The following MBNL3 variants were observed in gnomAD, a reference collection of about 807,000 sequenced individuals.
MBNL3 encodes muscleblind like splicing regulator 3.
In MBNL3, 6 loss-of-function variants were observed where a neutral mutation model predicts 24.5. The ratio of observed to expected loss-of-function variants is 0.25; its 90% CI spans 0.13 to 0.48. The LOEUF (loss-of-function observed/expected upper bound fraction) is 0.48, where lower values mean the gene tolerates loss of function less well. Ranked by LOEUF, MBNL3 falls within the 20% of genes least tolerant of loss-of-function variation. The pLI, the probability that MBNL3 is intolerant of heterozygous loss-of-function variation, is 0.99. For synonymous variants in MBNL3, 100 were observed against 101.7 expected (o/e 0.98, Z 0.10); for missense variants, 230 against 293.5 (o/e 0.78, Z 1.58).
At position 132,376,991 on chromosome X, in the gene MBNL3, T is replaced by G. The variant is rs1416579781; in HGVS notation, c.*2675A>C. 8.9e-6 allele frequency: 1 copy of G among 111,885 alleles called. No individual in the cohort carries two copies. Among genetic ancestry groups the G allele is most frequent in the Non-Finnish European group, 1.9e-5 (1 of 53,065 alleles). 9.2% of individuals were successfully genotyped at this position (111,885 alleles called of 1,213,427 possible). ...TTACTTTAAGGTAAGTCATTGTTAA[T>G]GTCTTCCAGTGCTTAACGCAACATG... On this transcript the variant is annotated 3_prime_UTR_variant, in exon 9 of 9. Transcript: ENST00000370853.
intron 1 of MBNL3, among the ~76,000 whole-genome samples, chrX:132,453,298 A>G (rs1946201965): frequency 8.9e-6 from 1 of 111,880 alleles, no homozygotes; most frequent in Non-Finnish European, 1.9e-5. Context: ...CTCCTGGAAA[A>G]TTGGTTTACT....
At chrX:132,386,559 A>T (rs1000950511) in intron 6 of MBNL3, 102 bp downstream of exon 6, 90 of 907,013 alleles carry the variant, frequency 9.9e-5, no homozygotes, top group Non-Finnish European at 1.2e-4. Context: ...ATCAAAATAC[A>T]TGTCGACAGT....
chrX:132,417,557 T>A (rs887254218), intron 2 of MBNL3, among the ~76,000 whole-genome samples: 7 of 112,027 alleles, frequency 6.2e-5, no homozygotes, highest in Non-Finnish European at 1.3e-4. Flanking sequence ...GAGCAGTACA[T>A]GTCTAAGGAT....
At chrX:132,396,394 C>CTA (rs1391878436) in intron 3 of MBNL3, among the ~76,000 whole-genome samples, 2 of 75,396 alleles carry the variant, frequency 2.7e-5, no homozygotes, top group African/African-American at 5.6e-5. Flanking sequence ...ATATATATTC[C>CTA]TATATATATT....
At chrX:132,417,542 T>C (rs1489173597) in intron 2 of MBNL3, among the ~76,000 whole-genome samples, 1 of 111,987 alleles carries the variant, frequency 8.9e-6, no homozygotes, top group Non-Finnish European at 1.9e-5. Context: ...CAAGACTTAT[T>C]AGAAGAGCAG....
At chrX:132,433,230 G>A (rs1217128616) in intron 2 of MBNL3, among the ~76,000 whole-genome samples, 1 of 111,903 alleles carries the variant, frequency 8.9e-6, no homozygotes, top group Non-Finnish European at 1.9e-5. Context: ...CAACTGTAAT[G>A]CAGGACCCTA....
In MBNL3 at chrX:132,424,461, G is replaced by A. The variant is rs968015135; in HGVS notation, c.177+14974C>T. 1.8e-5 allele frequency among the ~76,000 whole-genome samples: 2 copies of A among 111,426 alleles called. 1 individual carries two copies. The highest frequency in any genetic ancestry group is 1.9e-4 in the Admixed American group (2 of 10,487). On this transcript the variant is annotated intron_variant, in intron 2 of 8. Coordinates refer to ENST00000370853, the MANE Select transcript of MBNL3 (RefSeq NM_001386889.1). ...GAAAATGAGGAAGAGCAAGTTCCAT[G>A]GGGAGAATGAGACTTCTCTGGGCCA... is the stretch of plus-strand genomic sequence containing the variant.
chrX:132,438,552 T>C (rs1048697635), intron 2 of MBNL3, among the ~76,000 whole-genome samples: 3 of 110,890 alleles, frequency 2.7e-5, no homozygotes, highest in African/African-American at 6.6e-5. Flanking sequence ...AAGTCTCAGA[T>C]GCATTGTAGC....
intron 2 of MBNL3, among the ~76,000 whole-genome samples, chrX:132,407,046 A>C (rs1304385920): frequency 8.9e-6 from 1 of 112,204 alleles, no homozygotes; most frequent in African/African-American, 3.2e-5. Context: ...TGGACCAAAG[A>C]GTGCAAGCTG....
intron 8 of MBNL3, among the ~76,000 whole-genome samples, chrX:132,380,612 C>G (rs1222353847): frequency 9.0e-6 from 1 of 111,271 alleles, no homozygotes; most frequent in Non-Finnish European, 1.9e-5. Context: ...GAACTGCTGC[C>G]TCCTTCAACC....
intron 1 of MBNL3, among the ~76,000 whole-genome samples, chrX:132,472,291 G>A (rs753862604): frequency 8.9e-6 from 1 of 111,887 alleles, no homozygotes; most frequent in African/African-American, 3.3e-5. Context: ...GGGCTAAAGG[G>A]CTAAATGTGA....
At chrX:132,409,321 T>G (rs1339684447) in intron 2 of MBNL3, among the ~76,000 whole-genome samples, 16 of 111,798 alleles carry the variant, frequency 1.4e-4, no homozygotes, top group Admixed American at 1.4e-3. Context: ...GCATGTAAGG[T>G]TGGGATAGAG....
Position 132,444,760 on chromosome X carries a change from T to A in MBNL3, c.-703-4446A>T, listed in dbSNP as rs541298532. Among the ~76,000 whole-genome samples the A allele has an allele frequency of 5.4e-5, 6 of 112,000 alleles. No homozygotes were observed. In the East Asian group the frequency reaches 1.4e-3, roughly 26 times the overall value. On this transcript the variant is annotated intron_variant, in intron 1 of 8. Transcript: ENST00000370853. ...AACTTATATTTTAAAATTACATACA[T>A]AATAGATTCTCTATTAAGTGCAACC...
intron 8 of MBNL3, among the ~76,000 whole-genome samples, chrX:132,380,019 C>T (rs182253011): frequency 2.7e-5 from 3 of 112,316 alleles, no homozygotes; most frequent in Non-Finnish European, 5.6e-5. Flanking sequence ...TGTTTGATAC[C>T]GAACATTTTG....
chrX:132,419,165 T>G (rs1443679716), intron 2 of MBNL3, among the ~76,000 whole-genome samples: 1 of 112,644 alleles, frequency 8.9e-6, no homozygotes, highest in Non-Finnish European at 1.9e-5. Context: ...AGCTTTTTAG[T>G]AAATGTTTGC....
intron 2 of MBNL3, among the ~76,000 whole-genome samples, chrX:132,412,267 G>C (rs953722229): frequency 2.7e-5 from 3 of 111,130 alleles, no homozygotes; most frequent in Non-Finnish European, 5.7e-5. Flanking sequence ...GGGCCCCACC[G>C]GACGAATAAA....
chrX:132,375,272 A>G lies in MBNL3; in HGVS notation c.*4394T>C, dbSNP rs1603009860. ...AGCAACAACTAAATATAATTAGATA[A>G]CAATTATTATTTGTATATAAAGTTA... On this transcript the variant is annotated 3_prime_UTR_variant, in exon 9 of 9. Coordinates refer to ENST00000370853, the MANE Select transcript of MBNL3 (RefSeq NM_001386889.1). 8.9e-6 allele frequency: 1 copy of G among 111,866 alleles called. No homozygotes were observed. The highest frequency in any genetic ancestry group is 3.7e-4 in the South Asian group (1 of 2,706). 9.2% of individuals were successfully genotyped at this position (111,866 alleles called of 1,213,427 possible).
chrX:132,450,290 C>T (rs7892593), intron 1 of MBNL3, among the ~76,000 whole-genome samples: 57 of 111,865 alleles, frequency 5.1e-4, no homozygotes, highest in African/African-American at 1.8e-3. Flanking sequence ...CCATCACTTT[C>T]AGTTACACAA....
At chrX:132,427,807 G>A (rs1224508399) in intron 2 of MBNL3, among the ~76,000 whole-genome samples, 3 of 111,586 alleles carry the variant, frequency 2.7e-5, no homozygotes, top group Admixed American at 1.9e-4. Flanking sequence ...CATTACTACC[G>A]TTCCGTTAGC....
Sources: gnomAD v4.1 joint callset for allele counts (sites outside exome capture counted in the v4.1 genomes callset) on GRCh38, gnomAD v4.1.1 for gene constraint, MANE v1.5 for transcripts, NCBI Gene and HGNC (gene_info 2026-07-23, HGNC 2026-07-21) for gene names.